The following DMD variants were observed in gnomAD, a reference collection of about 807,000 sequenced individuals.
DMD encodes the protein dystrophin.
A neutral mutation model predicts 330.1 loss-of-function variants in DMD; 63 were observed. That is an observed-to-expected ratio of 0.19 (90% CI 0.16 to 0.24). The LOEUF (loss-of-function observed/expected upper bound fraction) is 0.24, where lower values mean the gene tolerates loss of function less well. Ranked by LOEUF, DMD falls within the 10% of genes least tolerant of loss-of-function variation. DMD has a pLI of 1.00. For missense variants in DMD, 3,344 were observed against 2,684.1 expected (o/e 1.25, Z -5.43); for synonymous variants, 1,223 against 959.8 (o/e 1.27, Z -5.07).
rs1479812263 is a variant in DMD, at chrX:33,098,865, A to G, written c.32-78665T>C. ...CATTCTGTATTTGTCCCGATTGGCT[A>G]GCAACTTAGAACTTTTCAAAAGAGA... On this transcript the variant is annotated intron_variant, in intron 1 of 78. Transcript: ENST00000357033. 2.7e-5 allele frequency among the ~76,000 whole-genome samples: 3 copies of G among 111,479 alleles called. No individual in the cohort carries two copies. The Admixed American group carries it at 2.9e-4, about 11-fold the overall frequency.
At chrX:31,730,388 T>C (rs1238908837) in intron 51 of DMD, among the ~76,000 whole-genome samples, 1 of 112,076 alleles carries the variant, frequency 8.9e-6, no homozygotes, top group Non-Finnish European at 1.9e-5. Context: ...ACTTTTATGA[T>C]TTAGGCAAGT....
intron 7 of DMD, among the ~76,000 whole-genome samples, chrX:32,739,803 G>A (rs768187201): frequency 1.5e-4 from 17 of 110,555 alleles, no homozygotes; most frequent in Non-Finnish European, 2.6e-4. Context: ...ACAGCAACTG[G>A]GAATTTGTGA....
chrX:33,253,043 A>C (rs928328529), intron 1 of DMD, among the ~76,000 whole-genome samples: 1 of 111,702 alleles, frequency 9.0e-6, no homozygotes, highest in Non-Finnish European at 1.9e-5. Flanking sequence ...TCAAAGTAAA[A>C]CTAAAAATAT....
chrX:33,127,756 T>G (rs1243290563), intron 1 of DMD, among the ~76,000 whole-genome samples: 1 of 111,280 alleles, frequency 9.0e-6, no homozygotes, highest in Non-Finnish European at 1.9e-5. Context: ...TCTACGTCCT[T>G]AGAAATTTAA....
intron 44 of DMD, among the ~76,000 whole-genome samples, chrX:32,163,329 C>G (rs771122653): frequency 5.4e-4 from 61 of 112,400 alleles, no homozygotes; most frequent in Middle Eastern, 4.6e-3. Context: ...ATGACTCCCT[C>G]TGCTTCAATA....
At chrX:31,391,444 A>G (rs780054714) in intron 60 of DMD, among the ~76,000 whole-genome samples, 26 of 111,660 alleles carry the variant, frequency 2.3e-4, no homozygotes, top group African/African-American at 8.5e-4. Flanking sequence ...TAATGCTAAC[A>G]TTTTTACTGG....
At chrX:33,274,986 C>G (rs1440980239) in intron 1 of DMD, among the ~76,000 whole-genome samples, 1 of 111,677 alleles carries the variant, frequency 9.0e-6, no homozygotes, top group African/African-American at 3.3e-5. Context: ...TTTCTATAGC[C>G]TTGACTCACC....
intron 55 of DMD, among the ~76,000 whole-genome samples, chrX:31,552,931 G>A (rs1384261309): frequency 9.0e-6 from 1 of 111,709 alleles, no homozygotes; most frequent in East Asian, 2.8e-4. Flanking sequence ...AGTAGTAGTG[G>A]TAGTAGTAGT....
At chrX:33,157,889 G>A (rs1372902059) in intron 1 of DMD, among the ~76,000 whole-genome samples, 2 of 111,987 alleles carry the variant, frequency 1.8e-5, no homozygotes, top group Non-Finnish European at 3.8e-5. Context: ...CCCAGGAGGT[G>A]GAGGTTGCAG....
At chrX:31,274,922 G>A (rs1043191412) in intron 62 of DMD, among the ~76,000 whole-genome samples, 4 of 110,143 alleles carry the variant, frequency 3.6e-5, no homozygotes, top group Admixed American at 9.7e-5. Flanking sequence ...TTTTAAGTGG[G>A]ATCCCAAGGA....
At chrX:32,412,985 C>G (rs766691570) in intron 29 of DMD, among the ~76,000 whole-genome samples, 1 of 111,325 alleles carries the variant, frequency 9.0e-6, no homozygotes, top group South Asian at 3.8e-4. Context: ...GGCATCTAGA[C>G]TAAGGCAAAA....
intron 29 of DMD, among the ~76,000 whole-genome samples, chrX:32,426,694 A>T (rs909445118): frequency 2.7e-5 from 3 of 111,688 alleles, no homozygotes; most frequent in African/African-American, 9.8e-5. Context: ...AATAGCAAAG[A>T]TACAGAATCA....
chrX:32,784,194 T>G (rs1452146598), intron 7 of DMD, among the ~76,000 whole-genome samples: 1 of 112,071 alleles, frequency 8.9e-6, no homozygotes. Flanking sequence ...TGGCAATATA[T>G]GTTACCTTTA....
chrX:33,301,382 A>AT lies in DMD; in HGVS notation c.7+37876dup, dbSNP rs11295172. ...GCTTAGAAATTATACTTCATGGTAT[A>AT]TTTTTTTTTAAGGAAGACATGCCAA... On this transcript the variant is annotated intron_variant, in intron 1 of 17. Transcript: ENST00000288447. Among the ~76,000 whole-genome samples the AT allele has an allele frequency of 3.1e-4, 34 of 109,633 alleles. No homozygotes were observed. The South Asian group carries it at 0.012, about 39-fold the overall frequency.
intron 62 of DMD, among the ~76,000 whole-genome samples, chrX:31,317,146 T>C (rs1218558042): frequency 2.7e-5 from 3 of 111,664 alleles, no homozygotes; most frequent in African/African-American, 9.8e-5. Flanking sequence ...TATGATATCA[T>C]GTCATTCTGC....
intron 41 of DMD, among the ~76,000 whole-genome samples, chrX:32,332,340 G>A (rs948434439): frequency 1.8e-5 from 2 of 108,861 alleles, no homozygotes; most frequent in Non-Finnish European, 3.8e-5. Context: ...AGAAGATAAA[G>A]AAGGAAAATA....
At chrX:33,288,448 A>G (rs1184597092) in intron 1 of DMD, among the ~76,000 whole-genome samples, 1 of 111,347 alleles carries the variant, frequency 9.0e-6, no homozygotes, top group Non-Finnish European at 1.9e-5. Context: ...CCAACATAAA[A>G]CTCTGTATCT....
rs375047821 is a variant in DMD at position 31,742,973 on chromosome X, T to C, written c.7543-13225A>G. Among the ~76,000 whole-genome samples the C allele has an allele frequency of 5.4e-5, 6 of 111,724 alleles. No homozygotes were observed. In the East Asian group the frequency reaches 1.7e-3, roughly 31 times the overall value. ...TGACAAAGGTCTAATATTCAGAATC[T>C]ATAGGGAACTTAAACAATTCAACAA... On this transcript the variant is annotated intron_variant, in intron 51 of 78. Transcript: ENST00000357033.
intron 1 of DMD, among the ~76,000 whole-genome samples, chrX:33,112,377 T>A (rs2095346348): frequency 8.9e-6 from 1 of 111,756 alleles, no homozygotes; most frequent in Non-Finnish European, 1.9e-5. Context: ...AAGGGGAGAT[T>A]AATTATTTCT....
Sources: gnomAD v4.1 joint callset for allele counts (sites outside exome capture counted in the v4.1 genomes callset) on GRCh38, gnomAD v4.1.1 for gene constraint, MANE v1.5 for transcripts, NCBI Gene and HGNC (gene_info 2026-07-23, HGNC 2026-07-21) for gene names.